The following ATP6V1H variants were observed in gnomAD, a reference collection of about 807,000 sequenced individuals.
ATP6V1H encodes the protein V-type proton ATPase subunit H.
In ATP6V1H, 39 loss-of-function variants were observed where a neutral mutation model predicts 71.7. The observed-to-expected ratio is 0.54, with a 90% CI of 0.42 to 0.71. The LOEUF (loss-of-function observed/expected upper bound fraction) is 0.71, where lower values mean the gene tolerates loss of function less well. Ranked by LOEUF, ATP6V1H falls within the 30% of genes least tolerant of loss-of-function variation. The probability of loss-of-function intolerance (pLI) is 0.00; values close to 1 mark genes in which losing one functional copy is unlikely to be tolerated. For missense variants in ATP6V1H, 509 were observed against 594.9 expected, an observed-to-expected ratio of 0.86 and a Z score of 1.50; for synonymous variants, 192 against 199.3, an observed-to-expected ratio of 0.96 and a Z score of 0.31.
chr8:53,782,753 G>C (rs973326452), intron 9 of ATP6V1H, among the ~76,000 whole-genome samples: 318 of 152,136 alleles, frequency 2.1e-3, no homozygotes, highest in Non-Finnish European at 2.7e-3. Context: ...TAGCATGAAG[G>C]GTTGTTGAAT....
chr8:53,764,074 T>G (rs1808367492), intron 11 of ATP6V1H, among the ~76,000 whole-genome samples: 1 of 152,202 alleles, frequency 6.6e-6, no homozygotes, highest in Non-Finnish European at 1.5e-5. Flanking sequence ...GCCCACATGT[T>G]CTCACTGGTA....
chr8:53,826,822 G>A (rs547473159), intron 4 of ATP6V1H, among the ~76,000 whole-genome samples: 9 of 151,840 alleles, frequency 5.9e-5, no homozygotes, highest in South Asian at 2.1e-4. Flanking sequence ...GAATGATGCC[G>A]GGTGCCTGTA....
chr8:53,828,495 T>C (rs565354038), intron 4 of ATP6V1H, among the ~76,000 whole-genome samples: 2 of 152,334 alleles, frequency 1.3e-5, no homozygotes, highest in South Asian at 2.1e-4. Context: ...TACAGTCCCA[T>C]ACAGTAACAA....
intron 12 of ATP6V1H, among the ~76,000 whole-genome samples, chr8:53,749,332 T>G (rs771308140): frequency 3.9e-5 from 6 of 152,162 alleles, no homozygotes. Context: ...GCAAAATAAT[T>G]TATTGAAAGG....
At chr8:53,832,536 A>T (rs1811040880) in intron 3 of ATP6V1H, 1 of 152,176 alleles carries the variant, frequency 6.6e-6, no homozygotes, top group Non-Finnish European at 1.5e-5. Context: ...AACCTTATAT[A>T]TTAAAATAAA....
intron 2 of ATP6V1H, 100 bp from the exon 3 acceptor site, chr8:53,833,186 C>A: frequency 1.2e-6 from 1 of 864,220 alleles, no homozygotes; most frequent in Admixed American, 2.1e-5. Flanking sequence ...TGGCAGCAAA[C>A]CACAAGGGCT....
chr8:53,783,513 T>C (rs1452748516), intron 9 of ATP6V1H, among the ~76,000 whole-genome samples: 1 of 152,248 alleles, frequency 6.6e-6, no homozygotes, highest in East Asian at 1.9e-4. Flanking sequence ...CATTGATTTT[T>C]TGAAGGGCTT....
intron 12 of ATP6V1H, among the ~76,000 whole-genome samples, chr8:53,750,412 A>G (rs1807750669): frequency 6.6e-6 from 1 of 152,208 alleles, no homozygotes; most frequent in Admixed American, 6.5e-5. Flanking sequence ...TATTCAGTAC[A>G]CTAAATCCTC....
At chr8:53,766,683 G>C (rs1808481280) in intron 11 of ATP6V1H, among the ~76,000 whole-genome samples, 1 of 152,116 alleles carries the variant, frequency 6.6e-6, no homozygotes, top group South Asian at 2.1e-4. Context: ...CCCCCCCAGG[G>C]TGTACCTGTC....
rs1194757162 is a variant in ATP6V1H at position 53,716,040 on chromosome 8, G to A, written c.1392-16C>T. On this transcript the variant is annotated splice_polypyrimidine_tract_variant and intron_variant, in intron 13 of 13. Transcript: ENST00000359530. ...AAGGTATTCCCTGAAAAAAAAGAAT[G>A]AAGTAAGGAGAATGAGAATTTCAAT... 6.3e-7 allele frequency: 1 copy of A among 1,595,166 alleles called. No individual in the cohort carries two copies. The highest frequency in any genetic ancestry group is 1.1e-5 in the South Asian group (1 of 87,344).
chr8:53,807,580 T>C (rs1810124964), intron 7 of ATP6V1H, among the ~76,000 whole-genome samples: 1 of 152,178 alleles, frequency 6.6e-6, no homozygotes, highest in African/African-American at 2.4e-5. Flanking sequence ...CAGTTATATG[T>C]AATGTCCAAA....
intron 4 of ATP6V1H, among the ~76,000 whole-genome samples, chr8:53,821,316 T>A (rs1304844692): frequency 7.0e-6 from 1 of 142,728 alleles, no homozygotes; most frequent in Non-Finnish European, 1.5e-5. Flanking sequence ...GAGGTTGCAG[T>A]GGGCAGAGAT....
intron 12 of ATP6V1H, among the ~76,000 whole-genome samples, chr8:53,744,569 G>A (rs1807533871): frequency 6.6e-6 from 1 of 152,206 alleles, no homozygotes; most frequent in South Asian, 2.1e-4. Flanking sequence ...GCAGTACAGT[G>A]TTTGGTGGTT....
chr8:53,839,151 A>C (rs1244286132), intron 2 of ATP6V1H, among the ~76,000 whole-genome samples: 1 of 152,228 alleles, frequency 6.6e-6, no homozygotes, highest in Non-Finnish European at 1.5e-5. Flanking sequence ...AAATAAAGCA[A>C]TTTTAAAAGC....
intron 13 of ATP6V1H, among the ~76,000 whole-genome samples, chr8:53,741,453 G>A (rs1466485339): frequency 6.6e-6 from 1 of 152,056 alleles, no homozygotes; most frequent in African/African-American, 2.4e-5. Context: ...AACACAATGG[G>A]AAAATAAAAC....
In ATP6V1H at chr8:53,776,252, G is replaced by A. The variant is rs1475332374; in HGVS notation, c.871-4085C>T. ...TCCAGCTGGCCCGCAAGCGCCGCAC[G>A]CAGCCCTAGTTCCCGCTCGTGCCTC... On this transcript the variant is annotated intron_variant, in intron 9 of 13. Coordinates refer to ENST00000359530, the MANE Select transcript of ATP6V1H (RefSeq NM_015941.4). Among the ~76,000 whole-genome samples, 10 of 152,246 alleles carry A rather than the reference G, an allele frequency of 6.6e-5. No individual in the cohort carries two copies. The East Asian group carries it at 9.7e-4, about 15-fold the overall frequency.
At chr8:53,824,998 A>G (rs1810782632) in intron 4 of ATP6V1H, among the ~76,000 whole-genome samples, 1 of 152,168 alleles carries the variant, frequency 6.6e-6, no homozygotes, top group South Asian at 2.1e-4. Context: ...AAAATGGAAG[A>G]GAAATGCTGT....
chr8:53,788,344 A>T (rs898849742), intron 9 of ATP6V1H, among the ~76,000 whole-genome samples: 1 of 152,196 alleles, frequency 6.6e-6, no homozygotes, highest in Admixed American at 6.5e-5. Context: ...CATTATAAGT[A>T]AAAATTTGAA....
chr8:53,833,235 T>C (rs2130530261), intron 2 of ATP6V1H, 149 bp from the exon 3 acceptor site: 1 of 586,614 alleles, frequency 1.7e-6, no homozygotes, highest in Non-Finnish European at 3.0e-6. Context: ...CTGGATTCAA[T>C]GCTTAGTTTC....
Sources: gnomAD v4.1 joint callset for allele counts (sites outside exome capture counted in the v4.1 genomes callset) on GRCh38, gnomAD v4.1.1 for gene constraint, MANE v1.5 for transcripts, NCBI Gene and HGNC (gene_info 2026-07-23, HGNC 2026-07-21) for gene names.